PLAC1: variants seen among roughly 807,000 people sequenced by gnomAD.
The protein encoded by PLAC1 is placenta associated 1.
For synonymous variants in PLAC1, 68 were observed against 62.1 expected (o/e 1.09, Z -0.44); for missense variants, 136 against 163.2 (o/e 0.83, Z 0.91).
chrX:134,685,151 G>C (rs2078511970), intron 2 of PLAC1, among the ~76,000 whole-genome samples: 2 of 111,844 alleles, frequency 1.8e-5, no homozygotes, highest in Admixed American at 9.5e-5. Context: ...GCTCCAACTT[G>C]TGTCCCCTGC....
chrX:134,569,817 C>T (rs1044096503), intron 2 of PLAC1, among the ~76,000 whole-genome samples: 5 of 79,698 alleles, frequency 6.3e-5, no homozygotes, highest in South Asian at 1.3e-3. Flanking sequence ...TGTTGGGGGA[C>T]GGTTATTATT....
chrX:134,641,610 G>C (rs1312422203), intron 1 of PLAC1, among the ~76,000 whole-genome samples: 1 of 112,260 alleles, frequency 8.9e-6, no homozygotes, highest in Non-Finnish European at 1.9e-5. Flanking sequence ...CTTGATGTTT[G>C]TCTCTAGAAA....
At chrX:134,678,129 C>A (rs1314186855) in intron 2 of PLAC1, among the ~76,000 whole-genome samples, 2 of 111,259 alleles carry the variant, frequency 1.8e-5, no homozygotes, top group African/African-American at 6.5e-5. Flanking sequence ...CACAGCCAGG[C>A]TGATATTTTG....
At chrX:134,624,043 T>C (rs777056075) in intron 1 of PLAC1, among the ~76,000 whole-genome samples, 1 of 111,848 alleles carries the variant, frequency 8.9e-6, no homozygotes, top group East Asian at 2.8e-4. Context: ...TGTTACATAT[T>C]AGGAAACTGA....
intron 2 of PLAC1, among the ~76,000 whole-genome samples, chrX:134,685,926 C>A (rs1486849220): frequency 1.8e-5 from 2 of 111,001 alleles, no homozygotes; most frequent in African/African-American, 6.6e-5. Context: ...TGGCACTGTT[C>A]CATCCTGGCC....
intron 2 of PLAC1, among the ~76,000 whole-genome samples, chrX:134,702,926 A>G (rs1187870977): frequency 3.6e-5 from 4 of 112,190 alleles, no homozygotes; most frequent in African/African-American, 1.3e-4. Flanking sequence ...AATATTCTGT[A>G]AACAGATGAT....
chrX:134,652,969 C>T (rs746067187), intron 1 of PLAC1, among the ~76,000 whole-genome samples: 12 of 112,112 alleles, frequency 1.1e-4, no homozygotes, highest in Non-Finnish European at 2.1e-4. Flanking sequence ...TGCATAACAG[C>T]GCAGGTGGAA....
At chrX:134,724,504 A>C (rs1758243366) in intron 2 of PLAC1, among the ~76,000 whole-genome samples, 1 of 112,466 alleles carries the variant, frequency 8.9e-6, no homozygotes, top group Non-Finnish European at 1.9e-5. Flanking sequence ...GCACATGTTC[A>C]ATTTCTTTTC....
chrX:134,696,964 C>T (rs1461711165), intron 2 of PLAC1, among the ~76,000 whole-genome samples: 3 of 106,772 alleles, frequency 2.8e-5, no homozygotes, highest in Non-Finnish European at 3.9e-5. Flanking sequence ...ACCCGGGAGG[C>T]GGAGCTTGCA....
At chrX:134,684,729 T>C (rs937349333) in intron 2 of PLAC1, among the ~76,000 whole-genome samples, 1 of 111,971 alleles carries the variant, frequency 8.9e-6, no homozygotes, top group Non-Finnish European at 1.9e-5. Context: ...AAGGAAATGG[T>C]AGAAATGGTA....
In PLAC1 at chrX:134,577,184, G is replaced by T. The variant is rs754966225; in HGVS notation, c.-58-10444C>A. ...GCCAGTTAAAAGTGGTATTGGTGCT[G>T]ATATTTGATGCCTACAGGAGAAACT... On this transcript the variant is annotated intron_variant, in intron 2 of 2. Coordinates refer to ENST00000359237, the MANE Select transcript of PLAC1 (RefSeq NM_021796.4). Among the ~76,000 whole-genome samples, 7 of 112,328 alleles carry T rather than the reference G, an allele frequency of 6.2e-5. No homozygotes were observed. The East Asian group carries it at 1.1e-3, about 18-fold the overall frequency.
At chrX:134,673,676 T>C (rs183894592) in intron 2 of PLAC1, among the ~76,000 whole-genome samples, 81 of 111,540 alleles carry the variant, frequency 7.3e-4, no homozygotes, top group Non-Finnish European at 1.2e-3. Context: ...AATTTGTTGA[T>C]AGTGAGTGTC....
chrX:134,718,997 A>C (rs1214530924), intron 2 of PLAC1, among the ~76,000 whole-genome samples: 1 of 112,048 alleles, frequency 8.9e-6, no homozygotes, highest in African/African-American at 3.2e-5. Flanking sequence ...AATTTCACCC[A>C]AACCCTTTTC....
At chrX:134,702,581 A>G (rs2147828169) in intron 2 of PLAC1, among the ~76,000 whole-genome samples, 1 of 111,914 alleles carries the variant, frequency 8.9e-6, no homozygotes, top group Admixed American at 9.5e-5. Flanking sequence ...GCAACAATGG[A>G]CACTGCAGAC....
At chrX:134,686,589 T>C (rs903037348) in intron 2 of PLAC1, among the ~76,000 whole-genome samples, 1 of 111,444 alleles carries the variant, frequency 9.0e-6, no homozygotes, top group Non-Finnish European at 1.9e-5. Flanking sequence ...TCAGCAGTGA[T>C]TAGCTTTGTT....
chrX:134,668,835 C>A (rs781060135), intron 2 of PLAC1, among the ~76,000 whole-genome samples: 9 of 112,755 alleles, frequency 8.0e-5, no homozygotes, highest in South Asian at 3.6e-4. Context: ...AAAGAGGAGC[C>A]AAGCCCTCTC....
chrX:134,618,105 T>C (rs2124404915), intron 1 of PLAC1, among the ~76,000 whole-genome samples: 1 of 112,232 alleles, frequency 8.9e-6, no homozygotes, highest in African/African-American at 3.2e-5. Context: ...ACATAGAACT[T>C]CTGGGTTTAA....
chrX:134,711,601 A>G (rs1009821077), intron 2 of PLAC1, among the ~76,000 whole-genome samples: 6 of 112,047 alleles, frequency 5.4e-5, no homozygotes, highest in African/African-American at 1.9e-4. Context: ...TTTCCTAGCC[A>G]GTGCTCAGAA....
chrX:134,693,764 C>T (rs960364459), intron 2 of PLAC1, among the ~76,000 whole-genome samples: 7 of 111,683 alleles, frequency 6.3e-5, no homozygotes, highest in African/African-American at 2.3e-4. Context: ...TTCTACTCAA[C>T]AAGTTTTGCC....
Sources: allele counts gnomAD v4.1 joint callset (sites outside exome capture counted in the v4.1 genomes callset), GRCh38; gene constraint gnomAD v4.1.1; transcripts MANE v1.5; gene names NCBI Gene and HGNC (gene_info 2026-07-23, HGNC 2026-07-21).